FSTL5: variants seen among roughly 807,000 people sequenced by gnomAD.
FSTL5 encodes follistatin-related protein 5.
Under a neutral mutation model 89.1 loss-of-function variants are expected in FSTL5, and 62 were observed. That is an observed-to-expected ratio of 0.70 (90% CI 0.57 to 0.86). The LOEUF (loss-of-function observed/expected upper bound fraction) is 0.86. Among genes scored for constraint, FSTL5 ranks in the 40% least tolerant of loss-of-function variants. FSTL5 has a pLI of 0.00. For missense variants in FSTL5, 1,057 were observed against 1,001.6 expected, an observed-to-expected ratio of 1.06 and a Z score of -0.75; for synonymous variants, 383 against 346.2, an observed-to-expected ratio of 1.11 and a Z score of -1.18.
At chr4:161,450,525 CA>C (rs1231164064) in intron 15 of FSTL5, among the ~76,000 whole-genome samples, 1 of 152,034 alleles carries the variant, frequency 6.6e-6, no homozygotes. Context: ...CAATATTATT[CA>C]AATATTCAAG....
intron 15 of FSTL5, among the ~76,000 whole-genome samples, chr4:161,397,412 A>G (rs1052706520): frequency 2.0e-5 from 3 of 151,880 alleles, no homozygotes; most frequent in Non-Finnish European, 4.4e-5. Context: ...AATAGAATAA[A>G]GGTAGCATTT....
chr4:161,604,112 T>A (rs2126628288), intron 7 of FSTL5, among the ~76,000 whole-genome samples: 1 of 152,358 alleles, frequency 6.6e-6, no homozygotes, highest in South Asian at 2.1e-4. Context: ...TTATTTTTTC[T>A]ATAGTATTTG....
intron 2 of FSTL5, among the ~76,000 whole-genome samples, chr4:162,041,202 T>TAAAAAAAAAAAAAAAAAAAA (rs5863513): frequency 3.1e-5 from 3 of 97,778 alleles, no homozygotes; most frequent in Non-Finnish European, 6.0e-5. Context: ...GATGAGATGG[T>TAAAAAAAAAAAAAAAAAAAA]AAAAAAAAAA....
At chr4:161,954,131 C>CA (rs987342671) in intron 3 of FSTL5, among the ~76,000 whole-genome samples, 8 of 151,176 alleles carry the variant, frequency 5.3e-5, no homozygotes, top group South Asian at 2.1e-4. Flanking sequence ...ACATTTAAAA[C>CA]AAAAAAATGA....
chr4:162,128,276 G>A (rs1561034453), intron 1 of FSTL5, among the ~76,000 whole-genome samples: 1 of 152,160 alleles, frequency 6.6e-6, no homozygotes, highest in Non-Finnish European at 1.5e-5. Flanking sequence ...GTCTTTTCAA[G>A]TTTTCATCAG....
At chr4:161,664,305 T>A (rs914290662) in intron 6 of FSTL5, among the ~76,000 whole-genome samples, 5 of 152,210 alleles carry the variant, frequency 3.3e-5, no homozygotes, top group Non-Finnish European at 7.3e-5. Context: ...TATGCTCAGT[T>A]TCCCTTTTAA....
chr4:162,129,576 G>A (rs575282870), intron 1 of FSTL5, among the ~76,000 whole-genome samples: 1 of 152,282 alleles, frequency 6.6e-6, no homozygotes, highest in East Asian at 1.9e-4. Flanking sequence ...AGGGACTTAA[G>A]CCTTGCTGTG....
At chr4:162,130,902 T>C (rs1177644576) in intron 1 of FSTL5, among the ~76,000 whole-genome samples, 2 of 152,046 alleles carry the variant, frequency 1.3e-5, no homozygotes, top group Non-Finnish European at 2.9e-5. Flanking sequence ...TTTTATAATA[T>C]AGATATTAAA....
At chr4:162,070,201 T>C (rs1189408487) in intron 2 of FSTL5, among the ~76,000 whole-genome samples, 1 of 151,892 alleles carries the variant, frequency 6.6e-6, no homozygotes, top group African/African-American at 2.4e-5. Flanking sequence ...TTTAATGGGA[T>C]TTTTTGTTTG....
At chr4:161,810,757 T>C (rs1730112855) in intron 4 of FSTL5, among the ~76,000 whole-genome samples, 2 of 152,164 alleles carry the variant, frequency 1.3e-5, no homozygotes, top group Admixed American at 1.3e-4. Flanking sequence ...AAATAATTGA[T>C]AGAATTTGTA....
chr4:161,400,593 C>T (rs1731151196), intron 15 of FSTL5, among the ~76,000 whole-genome samples: 1 of 151,748 alleles, frequency 6.6e-6, no homozygotes, highest in South Asian at 2.1e-4. Context: ...AGATTCCTTA[C>T]AGTATAAATG....
chr4:161,740,930 T>C (rs976274298), intron 6 of FSTL5, among the ~76,000 whole-genome samples: 3 of 152,164 alleles, frequency 2.0e-5, no homozygotes, highest in Admixed American at 6.5e-5. Context: ...TCCTGGTTCA[T>C]AGATGCTCCT....
intron 4 of FSTL5, among the ~76,000 whole-genome samples, chr4:161,781,560 T>G (rs541542823): frequency 6.6e-5 from 10 of 152,282 alleles, no homozygotes; most frequent in South Asian, 6.2e-4. Flanking sequence ...GTGATTATTG[T>G]AAATACAGGG....
chr4:161,705,133 ACTC>A (rs1393247672), intron 6 of FSTL5, among the ~76,000 whole-genome samples: 1 of 151,946 alleles, frequency 6.6e-6, no homozygotes, highest in Non-Finnish European at 1.5e-5. Flanking sequence ...TAGTTTATAT[ACTC>A]CTCAAATACA....
chr4:161,682,855 T>C (rs1004432040), intron 6 of FSTL5, among the ~76,000 whole-genome samples: 1 of 152,172 alleles, frequency 6.6e-6, no homozygotes, highest in African/African-American at 2.4e-5. Flanking sequence ...CAAGCAATTC[T>C]TCTGCCTTAG....
intron 9 of FSTL5, among the ~76,000 whole-genome samples, chr4:161,540,590 G>A (rs1291701265): frequency 6.6e-6 from 1 of 151,754 alleles, no homozygotes; most frequent in Non-Finnish European, 1.5e-5. Flanking sequence ...CTTCCTGCAG[G>A]TTTCATCCTT....
rs113024891 is a variant in FSTL5 at position 161,968,747 on chromosome 4, G to T, written c.161-48095C>A. 2.0e-4 allele frequency among the ~76,000 whole-genome samples: 30 copies of T among 152,202 alleles called. No individual in the cohort carries two copies. In the South Asian group the frequency reaches 6.2e-3, roughly 32 times the overall value. On this transcript the variant is annotated intron_variant, in intron 3 of 15. Transcript: ENST00000306100. Reference sequence around the variant, plus strand: ...AGTAACACCACATATTGCCAGTCAAGATTGTCGCAAACATCTTGATTATTC... The same window carrying T: ...AGTAACACCACATATTGCCAGTCAATATTGTCGCAAACATCTTGATTATTC...
intron 15 of FSTL5, among the ~76,000 whole-genome samples, chr4:161,448,176 T>G (rs1343327568): frequency 1.3e-5 from 2 of 152,148 alleles, no homozygotes; most frequent in Admixed American, 6.6e-5. Context: ...AATTAGCATG[T>G]GAGGATGAAA....
chr4:161,597,330 CAG>C (rs1167273499), intron 7 of FSTL5, among the ~76,000 whole-genome samples: 1 of 151,868 alleles, frequency 6.6e-6, no homozygotes, highest in Non-Finnish European at 1.5e-5. Context: ...TGTCAAAGAT[CAG>C]ATAGTTGTAA....
Sources: allele counts gnomAD v4.1 joint callset (sites outside exome capture counted in the v4.1 genomes callset), GRCh38; gene constraint gnomAD v4.1.1; transcripts MANE v1.5; gene names NCBI Gene and HGNC (gene_info 2026-07-23, HGNC 2026-07-21).